CFAP47: variants seen among roughly 807,000 people sequenced by gnomAD.
The protein encoded by CFAP47 is cilia- and flagella-associated protein 47.
In CFAP47, 29 loss-of-function variants were observed where a neutral mutation model predicts 148.1. The ratio of observed to expected loss-of-function variants is 0.20; its 90% CI spans 0.15 to 0.27. CFAP47 has a LOEUF of 0.27. Ranked by LOEUF, CFAP47 falls within the 10% of genes least tolerant of loss-of-function variation. The pLI is 1.00. For synonymous variants in CFAP47, 664 were observed against 577.3 expected, an observed-to-expected ratio of 1.15 and a Z score of -2.15; for missense variants, 1,872 against 1,697.5, an observed-to-expected ratio of 1.10 and a Z score of -1.81.
At chrX:36,058,443 A>ATTGCTTTGTAAGAGTCTGCAG (rs1937570978) in intron 26 of CFAP47, among the ~76,000 whole-genome samples, 1 of 111,778 alleles carries the variant, frequency 8.9e-6, no homozygotes, top group Non-Finnish European at 1.9e-5. Flanking sequence ...GAAATTGGGA[A>ATTGCTTTGTAAGAGTCTGCAG]CCATTTTCAT....
intron 49 of CFAP47, among the ~76,000 whole-genome samples, chrX:36,256,583 A>G (rs1490907103): frequency 8.9e-6 from 1 of 111,759 alleles, no homozygotes; most frequent in Non-Finnish European, 1.9e-5. Context: ...CAATCAGCTT[A>G]GCTTTTTTTC....
chrX:36,026,710 T>G (rs1937220772), intron 22 of CFAP47, among the ~76,000 whole-genome samples: 1 of 110,489 alleles, frequency 9.1e-6, no homozygotes, highest in Non-Finnish European at 1.9e-5. Context: ...TAGGCAGATA[T>G]GTCAAAGGCC....
At chrX:35,967,585 A>G (rs748424235) in intron 9 of CFAP47, 34 bp from the exon 10 acceptor site, 2 of 1,033,138 alleles carry the variant, frequency 1.9e-6, no homozygotes, top group South Asian at 4.1e-5. Flanking sequence ...AATTAAAAAT[A>G]CCATCTATAA....
At chrX:35,996,912 T>G (rs1010373413) in intron 18 of CFAP47, among the ~76,000 whole-genome samples, 1 of 112,083 alleles carries the variant, frequency 8.9e-6, no homozygotes, top group Non-Finnish European at 1.9e-5. Context: ...ATTATGGTTG[T>G]TGTGCATATT....
chrX:36,022,851 T>A (rs1192697595), intron 22 of CFAP47, among the ~76,000 whole-genome samples: 2 of 111,688 alleles, frequency 1.8e-5, no homozygotes, highest in Non-Finnish European at 3.8e-5. Flanking sequence ...ATCTATAGAA[T>A]TGTGAATTCC....
intron 46 of CFAP47, among the ~76,000 whole-genome samples, chrX:36,230,134 G>A (rs1329906660): frequency 9.9e-6 from 1 of 101,324 alleles, no homozygotes; most frequent in African/African-American, 3.6e-5. Context: ...CCAGTAATGG[G>A]ATGGCTGGGT....
At chrX:36,161,616 C>T (rs1939431254) in intron 39 of CFAP47, among the ~76,000 whole-genome samples, 2 of 111,532 alleles carry the variant, frequency 1.8e-5, no homozygotes, top group East Asian at 2.8e-4. Flanking sequence ...TTGAGGAAGA[C>T]GACGGAAGGT....
intron 33 of CFAP47, among the ~76,000 whole-genome samples, chrX:36,114,416 C>A (rs888568917): frequency 3.6e-5 from 4 of 111,975 alleles, no homozygotes; most frequent in African/African-American, 1.3e-4. Flanking sequence ...GGAAAGAAGG[C>A]ACTCTGGCTT....
At chrX:36,228,434 C>A (rs981573356) in intron 45 of CFAP47, among the ~76,000 whole-genome samples, 194 bp from the exon 46 acceptor site, 1 of 110,710 alleles carries the variant, frequency 9.0e-6, no homozygotes, top group Non-Finnish European at 1.9e-5. Flanking sequence ...CTGACCAGTG[C>A]AGTATATATA....
At chrX:36,201,648 G>T (rs1939981559) in intron 44 of CFAP47, 148 bp downstream of exon 44, 2 of 274,254 alleles carry the variant, frequency 7.3e-6, no homozygotes, top group Non-Finnish European at 1.3e-5. Flanking sequence ...CAGCTCAGTT[G>T]TCATTTTTTC....
At chrX:35,941,754 A>T (rs1936013119) in intron 3 of CFAP47, among the ~76,000 whole-genome samples, 1 of 111,403 alleles carries the variant, frequency 9.0e-6, no homozygotes, top group Non-Finnish European at 1.9e-5. Context: ...TGAACTTGAG[A>T]TTCCTCATTT....
chrX:36,322,550 T>C (rs1457552386), intron 57 of CFAP47, among the ~76,000 whole-genome samples: 1 of 111,672 alleles, frequency 9.0e-6, no homozygotes, highest in Non-Finnish European at 1.9e-5. Context: ...TTAGTAGTTA[T>C]ATATAATGCA....
At chrX:36,077,649 C>T (rs1236616378) in intron 29 of CFAP47, among the ~76,000 whole-genome samples, 1 of 110,964 alleles carries the variant, frequency 9.0e-6, no homozygotes, top group Non-Finnish European at 1.9e-5. Context: ...AGTCATTTGT[C>T]AGTTACAGCA....
At chrX:35,927,611 GTGTGTGTA>G (rs1160158057) in intron 2 of CFAP47, among the ~76,000 whole-genome samples, 2 of 110,216 alleles carry the variant, frequency 1.8e-5, no homozygotes, top group African/African-American at 6.6e-5. Context: ...GTGTGTGTGT[GTGTGTGTA>G]TGTGTGTGTG....
chrX:36,260,838 G>A (rs910934034), intron 49 of CFAP47, among the ~76,000 whole-genome samples: 3 of 111,606 alleles, frequency 2.7e-5, no homozygotes, highest in Non-Finnish European at 5.6e-5. Context: ...ATAGTTCAGG[G>A]TCTTACATTT....
At chrX:36,074,950 A>G (rs999958759) in intron 29 of CFAP47, among the ~76,000 whole-genome samples, 2 of 111,033 alleles carry the variant, frequency 1.8e-5, no homozygotes, top group Non-Finnish European at 3.8e-5. Context: ...CATGTTGTCA[A>G]AAACTACTGG....
intron 33 of CFAP47, among the ~76,000 whole-genome samples, chrX:36,108,371 C>T (rs992124085): frequency 1.8e-5 from 2 of 111,543 alleles, no homozygotes; most frequent in Admixed American, 1.9e-4. Context: ...TCCTTATGAA[C>T]ACCTTCATTA....
In CFAP47 at chrX:36,065,748, G is replaced by A; in HGVS notation, c.4318+5G>A. The A allele has an allele frequency of 9.6e-7, 1 of 1,040,372 alleles. No individual in the cohort carries two copies. The highest frequency in any genetic ancestry group is 1.3e-6 in the Non-Finnish European group (1 of 744,946). 85.7% of individuals were successfully genotyped at this position (1,040,372 alleles called of 1,213,427 possible). A position where few individuals can be genotyped will look rare whatever the true frequency, so the allele number is the denominator to read the frequency against. ...AAAACATTATTTTAAAGAATGGTAA[G>A]CTATGTATGACTTATTTATCCCTAA... On this transcript the variant is annotated splice_donor_5th_base_variant and intron_variant, in intron 27 of 63. Transcript: ENST00000378653.
At chrX:36,005,007 G>A (rs933592368) in intron 21 of CFAP47, among the ~76,000 whole-genome samples, 1 of 109,611 alleles carries the variant, frequency 9.1e-6, no homozygotes, top group African/African-American at 3.3e-5. Context: ...ATGTGTTAAT[G>A]GTTTTTTTTT....
Sources: gnomAD v4.1 joint callset for allele counts (sites outside exome capture counted in the v4.1 genomes callset) on GRCh38, gnomAD v4.1.1 for gene constraint, MANE v1.5 for transcripts, NCBI Gene and HGNC (gene_info 2026-07-23, HGNC 2026-07-21) for gene names.